Variants in GNB5 observed in about 807,000 individuals in gnomAD.
GNB5 encodes guanine nucleotide-binding protein subunit beta-5.
In GNB5, 37 loss-of-function variants were observed where a neutral mutation model predicts 55.3. The observed-to-expected ratio is 0.67, with a 90% CI of 0.51 to 0.88. The LOEUF is 0.88. GNB5 is among the 40% of genes least tolerant of loss of function. The pLI, the probability that GNB5 is intolerant of heterozygous loss-of-function variation, is 0.00. For missense variants in GNB5, 476 were observed against 515.3 expected (o/e 0.92, Z 0.74); for synonymous variants, 219 against 198.5 (o/e 1.10, Z -0.87).
intron 10 of GNB5, among the ~76,000 whole-genome samples, chr15:52,126,950 C>T (rs150559389): frequency 0.022 from 3,314 of 152,272 alleles, 55 homozygotes; most frequent in Non-Finnish European, 0.035. Context: ...GTGACCGCCA[C>T]CACGCCTGGC....
At chr15:52,166,708 C>G (rs1490839245) in intron 3 of GNB5, among the ~76,000 whole-genome samples, 1 of 152,080 alleles carries the variant, frequency 6.6e-6, no homozygotes. Flanking sequence ...AATTTTAGCA[C>G]TAAATGTCTA....
At chr15:52,142,508 C>T (rs904085406) in intron 6 of GNB5, among the ~76,000 whole-genome samples, 1 of 151,660 alleles carries the variant, frequency 6.6e-6, no homozygotes, top group Non-Finnish European at 1.5e-5. Flanking sequence ...ATTATCATTA[C>T]TACATTTGAT....
chr15:52,181,625 A>G (rs2034772106), intron 2 of GNB5, among the ~76,000 whole-genome samples: 1 of 151,832 alleles, frequency 6.6e-6, no homozygotes, highest in Non-Finnish European at 1.5e-5. Context: ...AAACAAAAAC[A>G]AAAACAAAAA....
chr15:52,153,410 T>C (rs2034141697), intron 4 of GNB5, among the ~76,000 whole-genome samples: 2 of 152,252 alleles, frequency 1.3e-5, no homozygotes, highest in African/African-American at 4.8e-5. Context: ...CACTCCCAGA[T>C]GCCTGACTCT....
chr15:52,153,009 T>G (rs901170027), intron 4 of GNB5, among the ~76,000 whole-genome samples: 1 of 152,252 alleles, frequency 6.6e-6, no homozygotes, highest in Non-Finnish European at 1.5e-5. Context: ...TACTAAGCTG[T>G]GGGAGCCAGA....
At chr15:52,170,133 T>G (rs1228393725) in intron 3 of GNB5, among the ~76,000 whole-genome samples, 1 of 152,170 alleles carries the variant, frequency 6.6e-6, no homozygotes, top group Non-Finnish European at 1.5e-5. Flanking sequence ...TTAAATTAGT[T>G]CAACCCTGTG....
At position 52,117,114 on chromosome 15, in the gene GNB5, T is replaced by TTTTTTTTTTGG. The variant is rs1341100858; in HGVS notation, c.*5642_*5643insCCAAAAAAAAA. The TTTTTTTTTTGG allele has an allele frequency of 2.3e-5, 2 of 85,600 alleles. No homozygotes were observed. Among genetic ancestry groups the TTTTTTTTTTGG allele is most frequent in the South Asian group, 4.1e-4 (1 of 2,462 alleles). The allele number at this position is 85,600 out of a possible 1,614,324, so 5.3% of individuals were successfully genotyped here. A position where few individuals can be genotyped will look rare whatever the true frequency, so the allele number is the denominator to read the frequency against. The stretch of plus-strand genomic sequence containing the variant: ...AATATATATATATATTTTTTTTTAG[T>TTTTTTTTTTGG]ACAGACAGGGTTTCACCGTGTTAGC... On this transcript the variant is annotated 3_prime_UTR_variant, in exon 13 of 13. Transcript: ENST00000261837.
intron 1 of GNB5, among the ~76,000 whole-genome samples, chr15:52,190,979 C>A (rs1269920520): frequency 6.6e-6 from 1 of 152,082 alleles, no homozygotes; most frequent in African/African-American, 2.4e-5. Flanking sequence ...CTTTCTAACC[C>A]CATAAGCTGT....
rs148097595 is a variant in GNB5, at chr15:52,166,838, G to A, written c.239-12762C>T. ...GACAAGAAATAACCAAGATCAGAGTGGAACTAAAGGAGATAGAGACATGAA... is the reference window on the plus strand; with the variant it reads ...GACAAGAAATAACCAAGATCAGAGTAGAACTAAAGGAGATAGAGACATGAA... On this transcript the variant is annotated intron_variant, in intron 3 of 12. Coordinates refer to ENST00000261837, the MANE Select transcript of GNB5 (RefSeq NM_016194.4). 4.8e-3 allele frequency among the ~76,000 whole-genome samples: 731 copies of A among 151,920 alleles called. 7 individuals carry two copies. The highest frequency in any genetic ancestry group is 0.017 in the African/African-American group (692 of 41,458).
chr15:52,184,718 AG>A (rs749092381), intron 1 of GNB5, 24 bp from the exon 2 acceptor site: 1 of 1,597,240 alleles, frequency 6.3e-7, no homozygotes, highest in Non-Finnish European at 8.6e-7. Context: ...AAAAGAAGGG[AG>A]GGGGTGTGAG....
chr15:52,164,839 A>G (rs1294214030), intron 3 of GNB5, among the ~76,000 whole-genome samples: 1 of 152,176 alleles, frequency 6.6e-6, no homozygotes, highest in Non-Finnish European at 1.5e-5. Context: ...TAGCAAAGGC[A>G]CAGAACTGGG....
chr15:52,187,341 T>A (rs1219209858), intron 1 of GNB5, among the ~76,000 whole-genome samples: 1 of 152,022 alleles, frequency 6.6e-6, no homozygotes, highest in African/African-American at 2.4e-5. Flanking sequence ...TTCCAGCATT[T>A]GTGCTTCCAG....
At chr15:52,182,058 C>A (rs916988459) in intron 2 of GNB5, among the ~76,000 whole-genome samples, 2 of 152,306 alleles carry the variant, frequency 1.3e-5, no homozygotes, top group Non-Finnish European at 1.5e-5. Context: ...GGGGCAAATC[C>A]TGGCTCTGCT....
intron 6 of GNB5, chr15:52,147,161 GTTTTGT>G: frequency 4.0e-6 from 1 of 248,970 alleles, no homozygotes; most frequent in East Asian, 1.1e-4. Flanking sequence ...GAGTTTTATG[GTTTTGT>G]TTTTTTTTTT....
At chr15:52,167,906 T>C (rs2034481521) in intron 3 of GNB5, among the ~76,000 whole-genome samples, 1 of 152,022 alleles carries the variant, frequency 6.6e-6, no homozygotes, top group South Asian at 2.1e-4. Flanking sequence ...AAAAACCACA[T>C]GATTACCTCG....
At chr15:52,169,525 C>T (rs1341162578) in intron 3 of GNB5, among the ~76,000 whole-genome samples, 14 of 100,482 alleles carry the variant, frequency 1.4e-4, no homozygotes, top group African/African-American at 4.3e-4. Context: ...GTGACAAGAG[C>T]GAGACTCTGT....
In GNB5 at chr15:52,150,894, T is replaced by A. The variant is rs1276144214; in HGVS notation, c.376-969A>T. Among the ~76,000 whole-genome samples, 6 of 152,190 alleles carry A rather than the reference T, an allele frequency of 3.9e-5. No individual in the cohort carries two copies. The South Asian group carries it at 6.2e-4, about 16-fold the overall frequency. On this transcript the variant is annotated intron_variant, in intron 4 of 12. Coordinates refer to ENST00000261837, the MANE Select transcript of GNB5 (RefSeq NM_016194.4). ...AGCCTCTATGGCAGGCTCAATTTTT[T>A]AATCACTCAAGCCATCTGGGGCCAA...
rs116287245 is a variant in GNB5 at position 52,154,644 on chromosome 15, T to C, written c.239-568A>G. On this transcript the variant is annotated intron_variant, in intron 3 of 12. Transcript: ENST00000261837. ...AAGGTACACCCTGCAGCTCTAGAGC[T>C]TGCCGTGTCTAGCTGACCCTGTGTG... 6.7e-3 allele frequency among the ~76,000 whole-genome samples: 1,020 copies of C among 152,328 alleles called. 12 individuals are homozygous for C. The highest frequency in any genetic ancestry group is 0.024 in the African/African-American group (987 of 41,562).
intron 9 of GNB5, among the ~76,000 whole-genome samples, chr15:52,130,142 C>T (rs933766889): frequency 2.0e-5 from 3 of 152,192 alleles, no homozygotes; most frequent in South Asian, 4.1e-4. Flanking sequence ...AATGAGCTAT[C>T]GTAGCAGCTC....
Sources: gnomAD v4.1 joint callset for allele counts (sites outside exome capture counted in the v4.1 genomes callset) on GRCh38, gnomAD v4.1.1 for gene constraint, MANE v1.5 for transcripts, NCBI Gene and HGNC (gene_info 2026-07-23, HGNC 2026-07-21) for gene names.